The following GAB2 variants were observed in gnomAD, a reference collection of about 807,000 sequenced individuals.
The protein encoded by GAB2 is GRB2 associated binding protein 2, also known as GRB2-associated-binding protein 2.
Under a neutral mutation model 65.5 loss-of-function variants are expected in GAB2, and 26 were observed. The ratio of observed to expected loss-of-function variants is 0.40; its 90% CI spans 0.29 to 0.55. The LOEUF (loss-of-function observed/expected upper bound fraction) is 0.55, where lower values mean the gene tolerates loss of function less well. GAB2 is among the 20% of genes least tolerant of loss of function. The pLI is 0.53. For missense variants in GAB2, 884 were observed against 875.8 expected (o/e 1.01, Z -0.12); for synonymous variants, 321 against 329.6 (o/e 0.97, Z 0.28).
intron 1 of GAB2, among the ~76,000 whole-genome samples, chr11:78,353,974 G>C (rs1200161905): frequency 1.3e-5 from 2 of 152,258 alleles, no homozygotes; most frequent in African/African-American, 4.8e-5. Flanking sequence ...TAGAATTTGT[G>C]ATTCAGTAGC....
intron 6 of GAB2, among the ~76,000 whole-genome samples, chr11:78,222,953 C>T (rs755280749): frequency 1.3e-5 from 2 of 152,156 alleles, no homozygotes; most frequent in Non-Finnish European, 2.9e-5. Flanking sequence ...CTGGCCAGGT[C>T]GGTGCAAGCC....
intron 2 of GAB2, among the ~76,000 whole-genome samples, chr11:78,250,909 C>T (rs1355686718): frequency 6.6e-6 from 1 of 152,076 alleles, no homozygotes; most frequent in African/African-American, 2.4e-5. Context: ...ACAGGGTGCA[C>T]ATGGACATAA....
In GAB2 at chr11:78,228,428, C is replaced by T. The variant is rs191091507; in HGVS notation, c.621-1377G>A. On this transcript the variant is annotated intron_variant, in intron 3 of 9. Transcript: ENST00000361507. The stretch of plus-strand genomic sequence containing the variant: ...GTCAAAAGCTCTTGGAGTGTCTCAT[C>T]AGAAAAGGCAAATCTCGTATACATA... 5.4e-3 allele frequency among the ~76,000 whole-genome samples: 820 copies of T among 152,246 alleles called. 8 individuals carry two copies. Among genetic ancestry groups the T allele is most frequent in the Middle Eastern group, 0.027 (8 of 294 alleles).
chr11:78,336,573 G>A (rs1369775823), intron 1 of GAB2, among the ~76,000 whole-genome samples: 1 of 151,574 alleles, frequency 6.6e-6, no homozygotes, highest in Non-Finnish European at 1.5e-5. Flanking sequence ...TGGGAGGAGG[G>A]ATAATTAACG....
chr11:78,400,923 AAAAAG>A (rs1227709010), intron 1 of GAB2, among the ~76,000 whole-genome samples: 77 of 150,424 alleles, frequency 5.1e-4, no homozygotes, highest in African/African-American at 1.8e-3. Context: ...AAAAAAAAAA[AAAAAG>A]GTTGTTTCAT....
chr11:78,396,098 G>C (rs1322208591), intron 1 of GAB2, among the ~76,000 whole-genome samples: 1 of 152,194 alleles, frequency 6.6e-6, no homozygotes, highest in Non-Finnish European at 1.5e-5. Context: ...CAAGTAGTAA[G>C]TTCCTTAATT....
chr11:78,355,809 G>A (rs1425612728), intron 1 of GAB2, among the ~76,000 whole-genome samples: 1 of 149,500 alleles, frequency 6.7e-6, no homozygotes, highest in Non-Finnish European at 1.5e-5. Context: ...TGAGGTTCTT[G>A]ATGTCACAAA....
At chr11:78,324,972 C>T (rs775748096) in intron 1 of GAB2, among the ~76,000 whole-genome samples, 27 of 152,254 alleles carry the variant, frequency 1.8e-4, no homozygotes, top group African/African-American at 2.6e-4. Context: ...CAATTTACTT[C>T]GCAATGGTAG....
At chr11:78,300,526 A>AAAGAAAAAAAC (rs1554985531) in intron 1 of GAB2, among the ~76,000 whole-genome samples, 1 of 145,416 alleles carries the variant, frequency 6.9e-6, no homozygotes. Context: ...TAAAAAAACA[A>AAAGAAAAAAAC]AAAAACAAAA....
At chr11:78,397,406 G>T (rs1175895223) in intron 1 of GAB2, among the ~76,000 whole-genome samples, 1 of 152,218 alleles carries the variant, frequency 6.6e-6, no homozygotes, top group Non-Finnish European at 1.5e-5. Flanking sequence ...CATTTTAGGG[G>T]AAGCACAGCG....
At chr11:78,394,595 C>T (rs898811024) in intron 1 of GAB2, among the ~76,000 whole-genome samples, 6 of 152,182 alleles carry the variant, frequency 3.9e-5, no homozygotes, top group Admixed American at 1.3e-4. Flanking sequence ...ATCAGGCAGT[C>T]GACTTACAGA....
intron 1 of GAB2, among the ~76,000 whole-genome samples, chr11:78,346,713 AT>A (rs1565168264): frequency 4.2e-4 from 21 of 49,436 alleles, no homozygotes; most frequent in Non-Finnish European, 6.5e-4. Flanking sequence ...ATATATATAT[AT>A]ATATATAATT....
At chr11:78,307,111 T>C (rs1392153764) in intron 1 of GAB2, among the ~76,000 whole-genome samples, 1 of 152,206 alleles carries the variant, frequency 6.6e-6, no homozygotes, top group African/African-American at 2.4e-5. Flanking sequence ...AAAAGTTAGA[T>C]ACAGCACCCT....
At chr11:78,269,309 C>G (rs571592787) in intron 2 of GAB2, among the ~76,000 whole-genome samples, 41 of 152,204 alleles carry the variant, frequency 2.7e-4, no homozygotes, top group Admixed American at 9.8e-4. Flanking sequence ...GTTAATAAAA[C>G]AAAACCCAAA....
intron 2 of GAB2, among the ~76,000 whole-genome samples, chr11:78,272,840 C>T (rs1048781016): frequency 6.6e-6 from 1 of 152,096 alleles, no homozygotes; most frequent in African/African-American, 2.4e-5. Flanking sequence ...GTGGGCCGGG[C>T]CCAGGGTCCC....
chr11:78,417,642 TCA>T lies in GAB2; in HGVS notation c.75+2_75+3del, dbSNP rs1212913807. On this transcript the variant is annotated splice_donor_variant and splice_donor_region_variant and intron_variant, in intron 1 of 9. Coordinates refer to ENST00000361507, the MANE Select transcript of GAB2 (RefSeq NM_080491.3). LOFTEE classifies it high-confidence loss of function. ...CGCCCCTGGGCGGCCGCGCCCGCAC[TCA>T]CATAGCGCCTCAACTTCTTCTCGGG... is the stretch of plus-strand genomic sequence containing the variant. The T allele has an allele frequency of 7.4e-7, 1 of 1,346,434 alleles. No homozygotes were observed. Among genetic ancestry groups the T allele is most frequent in the Non-Finnish European group, 9.8e-7 (1 of 1,023,848 alleles). 83.4% of individuals were successfully genotyped at this position (1,346,434 alleles called of 1,614,324 possible).
Position 78,226,827 on chromosome 11 carries a change from A to T in GAB2, c.845T>A (p.Leu282His). The change falls in exon 4 of 10, where the codon CTC becomes CAC. Residue 282 changes from leucine to histidine, a missense_variant. Physicochemically the swap from Leu to His is moderately conservative, Grantham distance 99 (BLOSUM62 -3). Transcript: ENST00000361507. The stretch of plus-strand genomic sequence containing the variant: ...CTCATTATCTGTCTCGGAGCCTGTG[A>T]GGCTGCCCTTGGTGTGGCCATGGGA... The part of the protein sequence containing the change: ...LASHGHTKGS[L>H]TGSETDNEDV... 1 of 1,614,028 alleles carries T rather than the reference A, an allele frequency of 6.2e-7. No individual in the cohort carries two copies. Among genetic ancestry groups the T allele is most frequent in the Non-Finnish European group, 8.5e-7 (1 of 1,179,928 alleles).
At chr11:78,341,366 A>G (rs950059429) in intron 1 of GAB2, among the ~76,000 whole-genome samples, 1 of 152,264 alleles carries the variant, frequency 6.6e-6, no homozygotes, top group African/African-American at 2.4e-5. Flanking sequence ...GAATAAGTAT[A>G]GAATACTAAA....
At chr11:78,306,534 T>C (rs1855363580) in intron 1 of GAB2, among the ~76,000 whole-genome samples, 1 of 152,222 alleles carries the variant, frequency 6.6e-6, no homozygotes. Flanking sequence ...GCCCGGCCCC[T>C]ATATACTTTC....
Sources: allele counts gnomAD v4.1 joint callset (sites outside exome capture counted in the v4.1 genomes callset), GRCh38; gene constraint gnomAD v4.1.1; transcripts MANE v1.5; gene names NCBI Gene and HGNC (gene_info 2026-07-23, HGNC 2026-07-21).